Variants in POMT2 observed in about 807,000 individuals in gnomAD.
The protein encoded by POMT2 is protein O-mannosyl-transferase 2.
In POMT2, 75 loss-of-function variants were observed where a neutral mutation model predicts 100.0. The observed-to-expected ratio is 0.75, with a 90% CI of 0.62 to 0.91. POMT2 has a LOEUF of 0.91. POMT2 is among the 40% of genes least tolerant of loss of function. The pLI is 0.00. For missense variants in POMT2, 940 were observed against 955.1 expected, an observed-to-expected ratio of 0.98 and a Z score of 0.21; for synonymous variants, 378 against 374.1, an observed-to-expected ratio of 1.01 and a Z score of -0.12.
chr14:77,288,610 CA>C, intron 11 of POMT2, 151 bp downstream of exon 11: 1 of 700,870 alleles, frequency 1.4e-6, no homozygotes, highest in South Asian at 1.5e-5. Context: ...GCAATTTCAT[CA>C]CCTTCATAAA....
chr14:77,296,763 A>T (rs1330495685), intron 8 of POMT2, among the ~76,000 whole-genome samples: 1 of 152,264 alleles, frequency 6.6e-6, no homozygotes, highest in Non-Finnish European at 1.5e-5. Flanking sequence ...CAAAAAACAC[A>T]GAAAACCACT....
intron 15 of POMT2, among the ~76,000 whole-genome samples, chr14:77,282,040 C>T (rs1416146686): frequency 1.3e-5 from 2 of 152,152 alleles, no homozygotes; most frequent in African/African-American, 2.4e-5. Context: ...GACAGCTGCA[C>T]GGCCCCAGCG....
chr14:77,312,040 G>C lies in POMT2; in HGVS notation c.249-7C>G, dbSNP rs1891454031. On this transcript the variant is annotated splice_polypyrimidine_tract_variant and splice_region_variant and intron_variant, in intron 1 of 20. Transcript: ENST00000261534. ...AAAGTGAGTCTCATCCCAACTAAAG[G>C]AAACACAGAAAGAGAAACAAGAATT... 1 of 1,613,452 alleles carries C rather than the reference G, an allele frequency of 6.2e-7. No homozygotes were observed. Among genetic ancestry groups the C allele is most frequent in the East Asian group, 2.2e-5 (1 of 44,864 alleles).
intron 6 of POMT2, 189 bp downstream of exon 6, chr14:77,300,901 C>A (rs1891010090): frequency 1.1e-6 from 1 of 886,594 alleles, no homozygotes; most frequent in Non-Finnish European, 1.8e-6. Context: ...TCCCTTGAAC[C>A]CTATCCAGTC....
At chr14:77,306,221 C>T (rs1891224224) in intron 3 of POMT2, 116 bp downstream of exon 3, 1 of 1,530,804 alleles carries the variant, frequency 6.5e-7, no homozygotes, top group African/African-American at 1.4e-5. Context: ...CCTCTCCTCA[C>T]CACCCAAAGT....
rs528060377 is a variant in POMT2, at chr14:77,320,486, G to A, written c.196C>T (p.Leu66=). Residue 66 remains leucine, a synonymous_variant, in exon 1 of 21, where the codon CTG becomes TTG. Transcript: ENST00000261534. ...TGGAAGCGGGTGGCGAAGGACAGCA[G>A]CGTCACCAAGGCCAGCAGGGCCCAC... ...GWWALLALVT[L]LSFATRFHRL... is the part of the protein sequence containing the mutation. 9.7e-6 allele frequency: 15 copies of A among 1,545,710 alleles called. No individual in the cohort carries two copies. In the South Asian group the frequency reaches 1.7e-4, roughly 17 times the overall value.
intron 10 of POMT2, among the ~76,000 whole-genome samples, chr14:77,290,715 T>C (rs558741720): frequency 6.6e-6 from 1 of 152,214 alleles, no homozygotes; most frequent in Non-Finnish European, 1.5e-5. Flanking sequence ...CATAAAGCCC[T>C]GAGAGCCTGA....
intron 2 of POMT2, among the ~76,000 whole-genome samples, chr14:77,311,626 A>T (rs1891437117): frequency 6.6e-6 from 1 of 152,182 alleles, no homozygotes; most frequent in African/African-American, 2.4e-5. Context: ...TCCATTTAGC[A>T]TGTTTTCCAG....
At chr14:77,288,868 C>T in intron 10 of POMT2, 37 bp from the exon 11 acceptor site, 1 of 1,576,872 alleles carries the variant, frequency 6.3e-7, no homozygotes, top group Non-Finnish European at 8.7e-7. Flanking sequence ...TCCAAAATCA[C>T]TCACCAGGCT....
intron 5 of POMT2, among the ~76,000 whole-genome samples, chr14:77,301,706 T>C (rs976642799): frequency 2.0e-5 from 3 of 152,200 alleles, no homozygotes; most frequent in African/African-American, 7.2e-5. Context: ...TTAACTCTTC[T>C]AGCCGTCACT....
At chr14:77,309,880 G>A (rs963303907) in intron 2 of POMT2, among the ~76,000 whole-genome samples, 7 of 152,006 alleles carry the variant, frequency 4.6e-5, no homozygotes, top group African/African-American at 9.7e-5. Context: ...GTTTCACCAC[G>A]TTGGCCAGGC....
At chr14:77,299,832 T>C in intron 6 of POMT2, 1 of 419,772 alleles carries the variant, frequency 2.4e-6, no homozygotes. Context: ...ACAAGGCACC[T>C]GCATCTGCAA....
At chr14:77,294,986 C>T (rs188157235) in intron 9 of POMT2, among the ~76,000 whole-genome samples, 9 of 152,292 alleles carry the variant, frequency 5.9e-5, no homozygotes, top group Admixed American at 1.3e-4. Flanking sequence ...CAAACTGGTT[C>T]CTTGTGAGCT....
intron 2 of POMT2, among the ~76,000 whole-genome samples, chr14:77,311,359 C>T (rs995582903): frequency 6.6e-6 from 1 of 152,208 alleles, no homozygotes. Context: ...CATAACATAA[C>T]ATCCACCATT....
At chr14:77,280,185 C>G in intron 16 of POMT2, 105 bp from the exon 17 acceptor site, 1 of 1,594,900 alleles carries the variant, frequency 6.3e-7, no homozygotes. Context: ...AGCCTGGACA[C>G]GAACCTCAGG....
rs1306418373 is a variant in POMT2 at position 77,278,416 on chromosome 14, G to C, written c.2125C>G (p.Leu709Val). Reference protein sequence around the residue: ...RGIHVAGILSLLLGTAYSFYL... With the variant: ...RGIHVAGILSVLLGTAYSFYL... ...CACCTGTAGGCAGTTCCCAGGAGCA[G>C]GCTCAGGATTCCCGCCACATGTATG... The change falls in exon 20 of 21, where the codon CTG (leucine) becomes GTG (valine). Residue 709 changes from leucine to valine, a missense_variant. Coordinates refer to ENST00000261534, the MANE Select transcript of POMT2 (RefSeq NM_013382.7). 2 of 1,476,400 alleles carry C rather than the reference G, an allele frequency of 1.4e-6. No homozygotes were observed. Among genetic ancestry groups the C allele is most frequent in the Admixed American group, 3.9e-5 (2 of 51,012 alleles). 91.5% of individuals were successfully genotyped at this position (1,476,400 alleles called of 1,614,324 possible).
chr14:77,291,218 C>T (rs2140203257), intron 10 of POMT2, 96 bp downstream of exon 10: 2 of 1,193,594 alleles, frequency 1.7e-6, no homozygotes, highest in Non-Finnish European at 2.4e-6. Flanking sequence ...CTCAGCAAAG[C>T]CCATCTCAGG....
chr14:77,278,032 A>G (rs895582357), intron 20 of POMT2, among the ~76,000 whole-genome samples: 29 of 151,782 alleles, frequency 1.9e-4, no homozygotes, highest in African/African-American at 6.5e-4. Context: ...ACAGGGGGCC[A>G]TGGTGACTAA....
intron 20 of POMT2, 23 bp from the exon 21 acceptor site, chr14:77,277,504 G>A: frequency 1.3e-6 from 2 of 1,560,814 alleles, no homozygotes; most frequent in Non-Finnish European, 1.8e-6. Flanking sequence ...ACCAGTAGGA[G>A]GCAGTTGGCA....
Sources: gnomAD v4.1 joint callset for allele counts (sites outside exome capture counted in the v4.1 genomes callset) on GRCh38, gnomAD v4.1.1 for gene constraint, MANE v1.5 for transcripts, NCBI Gene and HGNC (gene_info 2026-07-23, HGNC 2026-07-21) for gene names.